Variants in HIP1R observed in about 807,000 individuals in gnomAD.
HIP1R encodes the protein huntingtin-interacting protein 1-related protein.
Under a neutral mutation model 144.2 loss-of-function variants are expected in HIP1R, and 135 were observed. The ratio of observed to expected loss-of-function variants is 0.94; its 90% confidence interval spans 0.81 to 1.08. The LOEUF is 1.08. Ranked by LOEUF, HIP1R falls within the 50% of genes least tolerant of loss-of-function variation. The pLI is 0.00. For synonymous variants in HIP1R, 698 were observed against 612.8 expected (o/e 1.14, Z -2.05); for missense variants, 1,462 against 1,432.8 (o/e 1.02, Z -0.33).
chr12:122,856,536 G>A lies in HIP1R; in HGVS notation c.1506G>A (p.Glu502=). Residue 502 remains glutamate (E), a synonymous_variant, in exon 16 of 32, where the codon GAG becomes GAA. Coordinates refer to ENST00000253083, the MANE Select transcript of HIP1R (RefSeq NM_003959.3). ...LAFQVEQVKR[E]SELKLEEKSD... ...TCCAGGTGGAGCAGGTGAAGCGGGA[G>A]TCGGAGTTGAAGGTATGTCCCTTGT... 3.7e-6 allele frequency: 6 copies of A among 1,600,494 alleles called. No homozygotes were observed. The highest frequency in any genetic ancestry group is 5.1e-6 in the Non-Finnish European group (6 of 1,173,410).
In HIP1R at chr12:122,835,504, G is replaced by T; in HGVS notation, c.-47G>T. ...GCTGGGGCTGCCGGACCGTGAGGCT[G>T]TGAGTCGCGCGGACGGAGCCGGACA... On this transcript the variant is annotated 5_prime_UTR_variant, in exon 1 of 32. Coordinates refer to ENST00000253083, the MANE Select transcript of HIP1R (RefSeq NM_003959.3). 1 of 1,289,476 alleles carries T rather than the reference G, an allele frequency of 7.8e-7. No homozygotes were observed. Among genetic ancestry groups the T allele is most frequent in the Non-Finnish European group, 9.9e-7 (1 of 1,010,980 alleles). The allele number at this position is 1,289,476 out of a possible 1,614,324, so 79.9% of individuals were successfully genotyped here.
At chr12:122,851,097 G>A in intron 6 of HIP1R, 139 bp from the exon 7 acceptor site, 1 of 878,672 alleles carries the variant, frequency 1.1e-6, no homozygotes, top group Non-Finnish European at 1.7e-6. Context: ...TTGAAGGACT[G>A]TCGTCCTGGC....
At chr12:122,855,684 TTC>T (rs1566110539) in intron 12 of HIP1R, 72 bp downstream of exon 12, 2 of 1,531,126 alleles carry the variant, frequency 1.3e-6, no homozygotes, top group African/African-American at 2.8e-5. Flanking sequence ...CTCTGGACAG[TTC>T]TGTCTGGAAA....
chr12:122,842,282 G>C (rs796828873), intron 1 of HIP1R, among the ~76,000 whole-genome samples: 27 of 152,324 alleles, frequency 1.8e-4, no homozygotes, highest in African/African-American at 5.3e-4. Flanking sequence ...CGATAATACA[G>C]CACAGGGAGG....
chr12:122,851,052 G>A lies in HIP1R; in HGVS notation c.515+141G>A, dbSNP rs116703400. ...TTGTTGGTTGATGCTCACGCTCCCA[G>A]GGACAGAGGGTGAAGTTAAAAGGGT... On this transcript the variant is annotated intron_variant, in intron 6 of 31. Transcript: ENST00000253083. 1,336 of 882,138 alleles carry A rather than the reference G, an allele frequency of 1.5e-3. 20 individuals are homozygous for A. In the African/African-American group the frequency reaches 0.02, roughly 13 times the overall value. The allele number at this position is 882,138 out of a possible 1,614,324, so 54.6% of individuals were successfully genotyped here.
At chr12:122,841,348 C>T (rs1979237) in intron 1 of HIP1R, among the ~76,000 whole-genome samples, 10,380 of 152,208 alleles carry the variant, frequency 0.068, 494 homozygotes, top group East Asian at 0.23. Context: ...AGACCAGGCT[C>T]GCCTGAGAAG....
At position 122,856,361 on chromosome 12, in the gene HIP1R, C is replaced by T; in HGVS notation, c.1401+17C>T. On this transcript the variant is annotated intron_variant, in intron 15 of 31. Coordinates refer to ENST00000253083, the MANE Select transcript of HIP1R (RefSeq NM_003959.3). ...CTCAGAAAGGTAGGTGCAGCCCATC[C>T]TCCATCCCAGCCGGTGGCAGGGCCT... 6.2e-7 allele frequency: 1 copy of T among 1,613,238 alleles called. No homozygotes were observed. The highest frequency in any genetic ancestry group is 2.2e-5 in the East Asian group (1 of 44,854).
At chr12:122,854,316 T>G (rs767193381) in intron 8 of HIP1R, 133 bp downstream of exon 8, 2 of 506,056 alleles carry the variant, frequency 4.0e-6, no homozygotes, top group East Asian at 3.6e-5. Flanking sequence ...CACTGCCCAT[T>G]AATAGAAATA....
rs572240388 is a variant in HIP1R at position 122,862,306 on chromosome 12, A to G, written c.*553A>G. On this transcript the variant is annotated 3_prime_UTR_variant, in exon 32 of 32. Transcript: ENST00000253083. Reference sequence around the variant, plus strand: ...GACCAGGCTCTGTGTGGGCTAGAGGAATGTCGCCCATTACTCCTCAGGCCT... The same window carrying G: ...GACCAGGCTCTGTGTGGGCTAGAGGGATGTCGCCCATTACTCCTCAGGCCT... 1 of 152,738 alleles carries G rather than the reference A, an allele frequency of 6.5e-6. No individual in the cohort carries two copies. Among genetic ancestry groups the G allele is most frequent in the South Asian group, 2.1e-4 (1 of 4,852 alleles). The allele number at this position is 152,738 out of a possible 1,614,324, so 9.5% of individuals were successfully genotyped here.
rs1474956608 is a variant in HIP1R at position 122,848,867 on chromosome 12, T to C, written c.357+15T>C. 1.2e-6 allele frequency: 2 copies of C among 1,612,778 alleles called. No individual in the cohort carries two copies. The highest frequency in any genetic ancestry group is 1.7e-6 in the Non-Finnish European group (2 of 1,179,598). On this transcript the variant is annotated intron_variant, in intron 4 of 31. Transcript: ENST00000253083. ...GAGACCTGTGGGTAGGTCCAGCCAT[T>C]CTAGGTCCTGCCTGGCATTCGGGGC...
Position 122,859,965 on chromosome 12 carries a change from G to A in HIP1R, c.2466-82G>A, listed in dbSNP as rs560833677. On this transcript the variant is annotated intron_variant, in intron 24 of 31. Coordinates refer to ENST00000253083, the MANE Select transcript of HIP1R (RefSeq NM_003959.3). Reference sequence around the variant, plus strand: ...CAGACACTCCCTCCCCACCTGCTGAGCCCTGATGTGGCCAGGCCCGCCATG... The same window carrying A: ...CAGACACTCCCTCCCCACCTGCTGAACCCTGATGTGGCCAGGCCCGCCATG... 2.4e-4 allele frequency: 356 copies of A among 1,484,444 alleles called. 2 individuals are homozygous for A. The highest frequency in any genetic ancestry group is 5.8e-4 in the South Asian group (44 of 76,066). 92.0% of individuals were successfully genotyped at this position (1,484,444 alleles called of 1,614,324 possible).
chr12:122,854,216 G>A, intron 8 of HIP1R, 33 bp downstream of exon 8: 1 of 1,599,624 alleles, frequency 6.3e-7, no homozygotes, highest in Non-Finnish European at 8.5e-7. Flanking sequence ...TGGCCCGGAA[G>A]GCTGTGTTTA....
At chr12:122,846,935 G>C (rs1291440799) in intron 1 of HIP1R, among the ~76,000 whole-genome samples, 1 of 152,372 alleles carries the variant, frequency 6.6e-6, no homozygotes, top group East Asian at 1.9e-4. Flanking sequence ...TGGTGTCTGG[G>C]GAGAAGGCGC....
chr12:122,856,489 C>T lies in HIP1R; in HGVS notation c.1459C>T (p.Arg487Trp), dbSNP rs778175176. 5.3e-5 allele frequency: 85 copies of T among 1,591,312 alleles called. No individual in the cohort carries two copies. The Admixed American group carries it at 7.9e-4, about 15-fold the overall frequency. The change falls in exon 16 of 32, where the codon CGG (arginine) becomes TGG (tryptophan). Residue 487 changes from arginine (R) to tryptophan (W), a missense_variant. Arg to Trp is a moderately radical substitution (Grantham distance 101, BLOSUM62 -3). Around this residue, in one of 2 missense-constraint regions of HIP1R, gnomAD observed 1,112 missense variants for 1,011.7 expected, o/e 1.10. Coordinates refer to ENST00000253083, the MANE Select transcript of HIP1R (RefSeq NM_003959.3). ...GCAGCAAAGCCAGGAGGAGGTGGCG[C>T]GGGTGAAGGAGCAGCTGGCCTTCCA... ...VTQQSQEEVA[R>W]VKEQLAFQVE...
Position 122,857,134 on chromosome 12 carries a change from C to A in HIP1R, c.1734C>A (p.Arg578=). The A allele has an allele frequency of 6.4e-7, 1 of 1,550,460 alleles. No individual in the cohort carries two copies. Among genetic ancestry groups the A allele is most frequent in the Non-Finnish European group, 8.7e-7 (1 of 1,146,938 alleles). The change falls in exon 18 of 32, where the codon CGC becomes CGA. Residue 578 remains arginine, a synonymous_variant. Transcript: ENST00000253083. ...ADLLAAQSLV[R]ETEAALSREQ... The stretch of plus-strand genomic sequence containing the variant: ...TGCTGGCGGCGCAGAGCCTGGTGCG[C>A]GAGACAGAGGCGGCGCTGAGCCGGG...
At chr12:122,855,021 T>C (rs2033521769) in intron 9 of HIP1R, 32 bp from the exon 10 acceptor site, 1 of 1,613,700 alleles carries the variant, frequency 6.2e-7, no homozygotes, top group Non-Finnish European at 8.5e-7. Context: ...CGTGGCCCCT[T>C]CCTGAACCCG....
In HIP1R at chr12:122,851,222, C is replaced by A. The variant is rs201008292; in HGVS notation, c.516-14C>A. 2.4e-5 allele frequency: 36 copies of A among 1,497,894 alleles called. No homozygotes were observed. In the East Asian group the frequency reaches 8.9e-4, roughly 37 times the overall value. The allele number at this position is 1,497,894 out of a possible 1,614,324, so 92.8% of individuals were successfully genotyped here. ...CCACCCTTTTTCATTTCTTCCCCCA[C>A]TTCTCTTGCGTAGCTTCCAGCTCAC... On this transcript the variant is annotated splice_polypyrimidine_tract_variant and intron_variant, in intron 6 of 31. Coordinates refer to ENST00000253083, the MANE Select transcript of HIP1R (RefSeq NM_003959.3).
chr12:122,861,549 C>T (rs768977439), intron 31 of HIP1R, 35 bp downstream of exon 31: 77 of 1,591,558 alleles, frequency 4.8e-5, no homozygotes, highest in Non-Finnish European at 5.9e-5. Context: ...AGTTCCTGGA[C>T]GGGGGTGCTG....
At chr12:122,849,980 G>C in intron 5 of HIP1R, 25 bp downstream of exon 5, 1 of 1,548,488 alleles carries the variant, frequency 6.5e-7, no homozygotes. Context: ...GGAGTCATGG[G>C]GCTGAGGGAC....
Sources: allele counts gnomAD v4.1 joint callset (sites outside exome capture counted in the v4.1 genomes callset), GRCh38; gene constraint gnomAD v4.1.1; regional missense constraint gnomAD v4.1.1; transcripts MANE v1.5; gene names NCBI Gene and HGNC (gene_info 2026-07-23, HGNC 2026-07-21).